The following RBMS1 variants were observed in gnomAD, a reference collection of about 807,000 sequenced individuals.
RBMS1 encodes RNA binding motif single stranded interacting protein 1.
Under a neutral mutation model 62.3 loss-of-function variants are expected in RBMS1, and 17 were observed. That is an observed-to-expected ratio of 0.27 (90% CI 0.19 to 0.41). The LOEUF (loss-of-function observed/expected upper bound fraction) is 0.41. RBMS1 is among the 10% of genes least tolerant of loss of function. The pLI is 1.00. For synonymous variants in RBMS1, 172 were observed against 170.0 expected (o/e 1.01, Z -0.09); for missense variants, 334 against 504.5 (o/e 0.66, Z 3.24).
rs929497667 is a variant in RBMS1, at chr2:160,273,417, T to C, written c.*1355A>G. 7 of 152,212 alleles carry C rather than the reference T, an allele frequency of 4.6e-5. No homozygotes were observed. The highest frequency in any genetic ancestry group is 7.2e-5 in the African/African-American group (3 of 41,454). The allele number at this position is 152,212 out of a possible 1,614,324, so 9.4% of individuals were successfully genotyped here. A position where few individuals can be genotyped will look rare whatever the true frequency, so the allele number is the denominator to read the frequency against. On this transcript the variant is annotated 3_prime_UTR_variant, in exon 14 of 14. Coordinates refer to ENST00000348849, the MANE Select transcript of RBMS1 (RefSeq NM_016836.4). ...ACAGAAGATGTGATGCTGAGACAAG[T>C]TGGAGCTACTGGTTACTGGCTCTTC... is the stretch of plus-strand genomic sequence containing the variant.
At chr2:160,381,884 T>C (rs1694301888) in intron 1 of RBMS1, among the ~76,000 whole-genome samples, 1 of 152,250 alleles carries the variant, frequency 6.6e-6, no homozygotes. Context: ...TGAAGGATTA[T>C]TGCTAGAAAA....
chr2:160,493,276 G>A lies in RBMS1; in HGVS notation c.75+13C>T, dbSNP rs1300357115. On this transcript the variant is annotated intron_variant, in intron 1 of 13. Transcript: ENST00000348849. ...CCTCCTCCGGCCGTCACCTCTCCCCGGCGCCCCTTTACCTTGGCTTGCAGA... is the reference window on the plus strand; with the variant it reads ...CCTCCTCCGGCCGTCACCTCTCCCCAGCGCCCCTTTACCTTGGCTTGCAGA... 1 of 1,611,920 alleles carries A rather than the reference G, an allele frequency of 6.2e-7. No homozygotes were observed. The highest frequency in any genetic ancestry group is 2.2e-5 in the East Asian group (1 of 44,790).
chr2:160,484,774 G>A (rs554141954), intron 1 of RBMS1, among the ~76,000 whole-genome samples: 1 of 151,658 alleles, frequency 6.6e-6, no homozygotes, highest in South Asian at 2.1e-4. Context: ...AGGAGGCTGA[G>A]GCAGGAGAAT....
At chr2:160,435,670 T>C (rs1683079569) in intron 1 of RBMS1, among the ~76,000 whole-genome samples, 1 of 152,218 alleles carries the variant, frequency 6.6e-6, no homozygotes, top group South Asian at 2.1e-4. Context: ...CATCTCTGGC[T>C]ATGAGAAAAG....
chr2:160,357,834 C>T (rs184925049), intron 2 of RBMS1, among the ~76,000 whole-genome samples: 7 of 152,136 alleles, frequency 4.6e-5, no homozygotes, highest in East Asian at 3.9e-4. Flanking sequence ...ATGATAAAAT[C>T]GAAGAAAGTA....
At chr2:160,378,268 GATC>G (rs1487083090) in intron 1 of RBMS1, among the ~76,000 whole-genome samples, 1 of 151,970 alleles carries the variant, frequency 6.6e-6, no homozygotes, top group Non-Finnish European at 1.5e-5. Flanking sequence ...TAGCATACAA[GATC>G]ATTATCTGTA....
intron 2 of RBMS1, among the ~76,000 whole-genome samples, chr2:160,344,118 CTTTCT>C (rs1051549976): frequency 2.6e-5 from 4 of 152,080 alleles, no homozygotes; most frequent in African/African-American, 9.7e-5. Context: ...TGGACATTTT[CTTTCT>C]TTTAACCTGA....
At chr2:160,474,726 T>C (rs1329359757) in intron 1 of RBMS1, among the ~76,000 whole-genome samples, 2 of 152,200 alleles carry the variant, frequency 1.3e-5, no homozygotes, top group African/African-American at 2.4e-5. Flanking sequence ...TTGTTCCTTT[T>C]AAAATGCAAA....
chr2:160,394,780 A>C (rs1174855236), intron 1 of RBMS1, among the ~76,000 whole-genome samples: 1 of 152,272 alleles, frequency 6.6e-6, no homozygotes, highest in East Asian at 1.9e-4. Flanking sequence ...TTTAACATTC[A>C]TTAGAAAAAC....
chr2:160,303,353 T>G lies in RBMS1; in HGVS notation c.537A>C (p.Thr179=), dbSNP rs190946981. ...ACCTAGCAAAGCCAACACCACGACT[T>G]GTACCACTGGAATCACGTAGTATCC... is the stretch of plus-strand genomic sequence containing the variant. The part of the protein sequence containing the change: ...STRILRDSSG[T]SRGVGFARME... The change falls in exon 5 of 14, where the codon ACA becomes ACC. Residue 179 remains threonine (T), a synonymous_variant. Transcript: ENST00000348849. The G allele has an allele frequency of 6.2e-7, 1 of 1,611,072 alleles. No individual in the cohort carries two copies. Among genetic ancestry groups the G allele is most frequent in the African/African-American group, 1.3e-5 (1 of 74,862 alleles).
chr2:160,303,487 G>C lies in RBMS1; in HGVS notation c.403C>G (p.Gln135Glu). 1.2e-6 allele frequency: 2 copies of C among 1,604,986 alleles called. No homozygotes were observed. Among genetic ancestry groups the C allele is most frequent in the South Asian group, 1.1e-5 (1 of 89,268 alleles). Residue 135 changes from glutamine to glutamate, a missense_variant and splice_region_variant, in exon 5 of 14, where the codon CAA becomes GAA. Physicochemically the swap from Gln to Glu is conservative, Grantham distance 29. Around this residue, in one of 3 missense-constraint regions of RBMS1, gnomAD observed 150 missense variants for 228.0 expected, o/e 0.66. Coordinates refer to ENST00000348849, the MANE Select transcript of RBMS1 (RefSeq NM_016836.4). The part of the protein sequence containing the change: ...ASGVQAQMAK[Q>E]QEQDPTNLYI... ...AGGTTGGTAGGATCTTGTTCCTGTT[G>C]CTAAAACAGAAGAGAGTGTTGTCCA...
intron 2 of RBMS1, among the ~76,000 whole-genome samples, chr2:160,334,423 G>A (rs1691455196): frequency 6.6e-6 from 1 of 152,166 alleles, no homozygotes; most frequent in Non-Finnish European, 1.5e-5. Flanking sequence ...GCGGCAACCT[G>A]GCAAAGGCGG....
At chr2:160,344,427 TATG>T (rs1692061912) in intron 2 of RBMS1, among the ~76,000 whole-genome samples, 1 of 152,178 alleles carries the variant, frequency 6.6e-6, no homozygotes, top group Non-Finnish European at 1.5e-5. Context: ...ATTCCCTATC[TATG>T]ATGTTTTGCC....
chr2:160,484,930 GA>G (rs1043647312), intron 1 of RBMS1, among the ~76,000 whole-genome samples: 106 of 152,128 alleles, frequency 7.0e-4, no homozygotes, highest in African/African-American at 2.5e-3. Flanking sequence ...AAGAGAATTG[GA>G]AGAGATAGAC....
At chr2:160,373,764 T>A (rs1693854494) in intron 1 of RBMS1, among the ~76,000 whole-genome samples, 1 of 152,222 alleles carries the variant, frequency 6.6e-6, no homozygotes, top group South Asian at 2.1e-4. Flanking sequence ...AGAGAATGCA[T>A]TCATCAGAAA....
intron 2 of RBMS1, among the ~76,000 whole-genome samples, chr2:160,327,567 C>T (rs1029572485): frequency 6.6e-6 from 1 of 152,074 alleles, no homozygotes; most frequent in Admixed American, 6.5e-5. Flanking sequence ...ATCAAGGTAA[C>T]GTAGCTTTAC....
intron 2 of RBMS1, among the ~76,000 whole-genome samples, chr2:160,347,442 G>A (rs1692248334): frequency 6.6e-6 from 1 of 152,102 alleles, no homozygotes; most frequent in Admixed American, 6.6e-5. Context: ...ACCTCTTACA[G>A]CATCAGTGTG....
chr2:160,396,555 T>A (rs1407167839), intron 1 of RBMS1, among the ~76,000 whole-genome samples: 3 of 24,744 alleles, frequency 1.2e-4, no homozygotes. Flanking sequence ...TTTATCTTTT[T>A]TTTTTTTTTT....
At chr2:160,362,842 C>G (rs1559446637) in intron 2 of RBMS1, among the ~76,000 whole-genome samples, 1 of 148,770 alleles carries the variant, frequency 6.7e-6, no homozygotes, top group African/African-American at 2.5e-5. Flanking sequence ...CCCTTCCTCC[C>G]AAAAAAAAAG....
Sources: allele counts gnomAD v4.1 joint callset (sites outside exome capture counted in the v4.1 genomes callset), GRCh38; gene constraint gnomAD v4.1.1; regional missense constraint gnomAD v4.1.1; transcripts MANE v1.5; gene names NCBI Gene and HGNC (gene_info 2026-07-23, HGNC 2026-07-21).